The following SYT17 variants were observed in gnomAD, a reference collection of about 807,000 sequenced individuals.
SYT17 encodes the protein synaptotagmin 17.
SYT17 carries 22 observed loss-of-function variants against 46.7 expected under a neutral mutation model. That is an observed-to-expected ratio of 0.47 (90% CI 0.34 to 0.67). SYT17 has a LOEUF of 0.67. Ranked by LOEUF, SYT17 falls within the 30% of genes least tolerant of loss-of-function variation. The pLI is 0.01. For synonymous variants in SYT17, 251 were observed against 248.4 expected, an observed-to-expected ratio of 1.01 and a Z score of -0.10; for missense variants, 519 against 612.8, an observed-to-expected ratio of 0.85 and a Z score of 1.62.
chr16:19,204,212 C>T (rs1965579073), intron 5 of SYT17, among the ~76,000 whole-genome samples: 2 of 152,194 alleles, frequency 1.3e-5, no homozygotes, highest in Non-Finnish European at 2.9e-5. Flanking sequence ...TAGTAACTCC[C>T]TCTCCCCGAC....
At chr16:19,246,191 C>G (rs1349327014) in intron 7 of SYT17, among the ~76,000 whole-genome samples, 1 of 151,892 alleles carries the variant, frequency 6.6e-6, no homozygotes, top group Non-Finnish European at 1.5e-5. Flanking sequence ...GGGGTTTCAC[C>G]ATGTTGGCCA....
At chr16:19,169,520 G>A (rs1201558713) in intron 1 of SYT17, among the ~76,000 whole-genome samples, 1 of 152,226 alleles carries the variant, frequency 6.6e-6, no homozygotes, top group Non-Finnish European at 1.5e-5. Flanking sequence ...GGTGCATCTT[G>A]GCTCACATCT....
intron 6 of SYT17, 52 bp from the exon 7 acceptor site, chr16:19,224,631 G>T (rs577729100): frequency 6.3e-7 from 1 of 1,589,748 alleles, no homozygotes; most frequent in African/African-American, 1.3e-5. Context: ...ATGACTGGAC[G>T]GATTAGGTTT....
At chr16:19,201,123 C>T (rs79693883) in intron 5 of SYT17, among the ~76,000 whole-genome samples, 3,989 of 152,270 alleles carry the variant, frequency 0.026, 170 homozygotes, top group African/African-American at 0.09. Context: ...CAGGGGACCA[C>T]AGCACCTGCA....
At chr16:19,233,117 T>C (rs1220902053) in intron 7 of SYT17, among the ~76,000 whole-genome samples, 1 of 152,216 alleles carries the variant, frequency 6.6e-6, no homozygotes, top group Non-Finnish European at 1.5e-5. Flanking sequence ...CCTCTCGCCC[T>C]GCTGTCTGTC....
intron 5 of SYT17, among the ~76,000 whole-genome samples, chr16:19,192,759 C>G (rs2142675185): frequency 6.6e-6 from 1 of 152,252 alleles, no homozygotes; most frequent in Non-Finnish European, 1.5e-5. Flanking sequence ...TTTGAGGAAA[C>G]TATAAACAAG....
At chr16:19,210,562 C>T (rs901712050) in intron 5 of SYT17, among the ~76,000 whole-genome samples, 1 of 149,066 alleles carries the variant, frequency 6.7e-6, no homozygotes, top group African/African-American at 2.5e-5. Context: ...GTCAATGCAG[C>T]TATGCAAATA....
intron 5 of SYT17, among the ~76,000 whole-genome samples, chr16:19,212,886 C>A (rs747210494): frequency 7.9e-5 from 12 of 152,160 alleles, no homozygotes; most frequent in Admixed American, 4.6e-4. Context: ...AAAAGAATGG[C>A]TTAAGGAGAA....
intron 7 of SYT17, among the ~76,000 whole-genome samples, chr16:19,263,638 C>T (rs1969145174): frequency 2.3e-5 from 2 of 87,548 alleles, no homozygotes; most frequent in Admixed American, 2.6e-4. Flanking sequence ...GAAATTACAA[C>T]TCAAAAAAAA....
chr16:19,185,993 G>A lies in SYT17; in HGVS notation c.951+1846G>A, dbSNP rs139610783. On this transcript the variant is annotated intron_variant, in intron 5 of 7. Transcript: ENST00000355377. ...GCCTTCTTGCGGTAGAGGAGCTGGCGTCTCCTCAGCTGAGTTAATCTCGGG... is the reference window on the plus strand; with the variant it reads ...GCCTTCTTGCGGTAGAGGAGCTGGCATCTCCTCAGCTGAGTTAATCTCGGG... 4.0e-3 allele frequency among the ~76,000 whole-genome samples: 613 copies of A among 152,216 alleles called. 5 individuals carry two copies. Among genetic ancestry groups the A allele is most frequent in the African/African-American group, 0.014 (583 of 41,542 alleles).
intron 7 of SYT17, among the ~76,000 whole-genome samples, chr16:19,246,580 A>G (rs8061281): frequency 0.042 from 6,440 of 152,222 alleles, 490 homozygotes; most frequent in African/African-American, 0.15. Flanking sequence ...ATGCACTAAT[A>G]TGTGTATATA....
chr16:19,246,538 A>G (rs201881113), intron 7 of SYT17, among the ~76,000 whole-genome samples: 3 of 152,298 alleles, frequency 2.0e-5, no homozygotes, highest in East Asian at 3.9e-4. Context: ...AGAGCTAACC[A>G]CTTGTAACAT....
At chr16:19,176,694 C>G (rs1964326298) in intron 3 of SYT17, among the ~76,000 whole-genome samples, 1 of 151,966 alleles carries the variant, frequency 6.6e-6, no homozygotes, top group Non-Finnish European at 1.5e-5. Flanking sequence ...GACATCACCC[C>G]TTGTAGAGAT....
At chr16:19,238,396 G>A (rs1364068935) in intron 7 of SYT17, among the ~76,000 whole-genome samples, 2 of 152,194 alleles carry the variant, frequency 1.3e-5, no homozygotes, top group African/African-American at 4.8e-5. Flanking sequence ...CTCTAGCCAG[G>A]CGGTCAGGAG....
At chr16:19,181,486 A>T (rs1320858812) in intron 4 of SYT17, among the ~76,000 whole-genome samples, 1 of 147,262 alleles carries the variant, frequency 6.8e-6, no homozygotes, top group Non-Finnish European at 1.5e-5. Context: ...AAAAAAAAAG[A>T]GTTCAAGGGC....
intron 7 of SYT17, among the ~76,000 whole-genome samples, chr16:19,228,590 A>T (rs1966577382): frequency 1.3e-5 from 2 of 152,220 alleles, no homozygotes; most frequent in Admixed American, 6.5e-5. Flanking sequence ...GCTATTTTTT[A>T]AAAACACCCC....
chr16:19,229,701 C>T (rs1966613615), intron 7 of SYT17, among the ~76,000 whole-genome samples: 2 of 152,324 alleles, frequency 1.3e-5, no homozygotes, highest in South Asian at 4.1e-4. Context: ...AGCAATTGCA[C>T]TTGTAGGTAT....
At chr16:19,243,185 C>T (rs573458256) in intron 7 of SYT17, among the ~76,000 whole-genome samples, 3 of 152,212 alleles carry the variant, frequency 2.0e-5, no homozygotes, top group Non-Finnish European at 2.9e-5. Flanking sequence ...GTCAGTAGGG[C>T]GGGCAGTGGG....
At chr16:19,206,521 C>T (rs1965677405) in intron 5 of SYT17, among the ~76,000 whole-genome samples, 1 of 152,156 alleles carries the variant, frequency 6.6e-6, no homozygotes, top group African/African-American at 2.4e-5. Flanking sequence ...GTAATACACA[C>T]TGGGTGCCTT....
Sources: gnomAD v4.1 joint callset for allele counts (sites outside exome capture counted in the v4.1 genomes callset) on GRCh38, gnomAD v4.1.1 for gene constraint, MANE v1.5 for transcripts, NCBI Gene and HGNC (gene_info 2026-07-23, HGNC 2026-07-21) for gene names.